SUPT3H: variants seen among roughly 807,000 people sequenced by gnomAD.
SUPT3H encodes the protein transcription initiation protein SPT3 homolog.
Under a neutral mutation model 44.3 loss-of-function variants are expected in SUPT3H, and 44 were observed. The observed-to-expected ratio is 0.99, with a 90% confidence interval of 0.78 to 1.28. SUPT3H has a LOEUF of 1.28. SUPT3H is among the 50% of genes most tolerant of loss of function. SUPT3H has a pLI of 0.00. For synonymous variants in SUPT3H, 124 were observed against 125.6 expected (o/e 0.99, Z 0.09); for missense variants, 380 against 387.1 (o/e 0.98, Z 0.15).
At chr6:45,058,400 A>G (rs190708609) in intron 3 of SUPT3H, among the ~76,000 whole-genome samples, 1 of 152,284 alleles carries the variant, frequency 6.6e-6, no homozygotes, top group East Asian at 1.9e-4. Context: ...TTATACATTC[A>G]ACAAATATAT....
intron 2 of SUPT3H, among the ~76,000 whole-genome samples, chr6:45,272,426 G>T (rs1776339180): frequency 6.6e-6 from 1 of 152,106 alleles, no homozygotes; most frequent in Admixed American, 6.6e-5. Context: ...GTTTAACTTG[G>T]CTCTCATTGT....
intron 2 of SUPT3H, among the ~76,000 whole-genome samples, chr6:45,282,023 G>C (rs1190439250): frequency 2.0e-5 from 3 of 152,170 alleles, no homozygotes; most frequent in Non-Finnish European, 4.4e-5. Flanking sequence ...CTGCAGCTGA[G>C]GGTCCTGACT....
intron 2 of SUPT3H, among the ~76,000 whole-genome samples, chr6:45,316,470 C>G (rs1185858829): frequency 1.3e-5 from 2 of 150,826 alleles, no homozygotes; most frequent in African/African-American, 2.4e-5. Context: ...AAATAATAGG[C>G]ATCCAAAGGA....
At chr6:45,182,680 T>A (rs1277354853) in intron 2 of SUPT3H, among the ~76,000 whole-genome samples, 2 of 152,020 alleles carry the variant, frequency 1.3e-5, no homozygotes, top group African/African-American at 4.8e-5. Context: ...ATATGAAGTC[T>A]CTTATCTACA....
At chr6:45,062,231 A>C (rs1342512125) in intron 3 of SUPT3H, among the ~76,000 whole-genome samples, 1 of 152,146 alleles carries the variant, frequency 6.6e-6, no homozygotes. Context: ...CATTCATCTT[A>C]GAAAGTAATT....
chr6:44,861,782 A>T (rs1001155681), intron 10 of SUPT3H, among the ~76,000 whole-genome samples: 1 of 152,156 alleles, frequency 6.6e-6, no homozygotes, highest in Non-Finnish European at 1.5e-5. Flanking sequence ...TTGTCCTAGG[A>T]GCTGACAAGA....
intron 2 of SUPT3H, among the ~76,000 whole-genome samples, chr6:45,106,251 G>C (rs1269963527): frequency 6.6e-6 from 1 of 152,080 alleles, no homozygotes; most frequent in Non-Finnish European, 1.5e-5. Flanking sequence ...GCATAACATG[G>C]TGAAACTCCG....
chr6:45,022,415 G>GTTTTTT (rs3053670), intron 3 of SUPT3H, among the ~76,000 whole-genome samples: 1 of 141,562 alleles, frequency 7.1e-6, no homozygotes, highest in African/African-American at 2.6e-5. Context: ...TGGAATCACT[G>GTTTTTT]TTTTTTTTTT....
intron 2 of SUPT3H, chr6:45,322,740 T>C (rs988669064): frequency 9.5e-6 from 6 of 631,724 alleles, no homozygotes; most frequent in Non-Finnish European, 1.7e-5. Flanking sequence ...TGTCAAGACA[T>C]GTATTCCTAA....
chr6:44,869,168 G>A (rs1159152164), intron 10 of SUPT3H, among the ~76,000 whole-genome samples: 2 of 152,054 alleles, frequency 1.3e-5, no homozygotes, highest in Non-Finnish European at 2.9e-5. Context: ...AAAGTAAGCA[G>A]CAATTCTTAA....
intron 6 of SUPT3H, among the ~76,000 whole-genome samples, chr6:44,970,160 G>A (rs976594492): frequency 6.6e-6 from 1 of 151,902 alleles, no homozygotes; most frequent in African/African-American, 2.4e-5. Flanking sequence ...TCAAGAGTGG[G>A]CATTAATTGG....
intron 10 of SUPT3H, among the ~76,000 whole-genome samples, chr6:44,865,580 A>G (rs995036661): frequency 6.6e-6 from 1 of 152,118 alleles, no homozygotes; most frequent in African/African-American, 2.4e-5. Flanking sequence ...AATGAGCACC[A>G]AATGAAACAG....
chr6:45,034,379 C>T (rs1373035609), intron 3 of SUPT3H, among the ~76,000 whole-genome samples: 3 of 151,790 alleles, frequency 2.0e-5, no homozygotes, highest in Non-Finnish European at 4.4e-5. Context: ...CCTCCTGGAA[C>T]ACAGAAAAGA....
chr6:45,106,098 A>C, intron 2 of SUPT3H, 92 bp from the exon 3 acceptor site: 1 of 1,070,056 alleles, frequency 9.3e-7, no homozygotes, highest in South Asian at 1.3e-5. Context: ...CAGTTTAGTA[A>C]GGAGAACATA....
intron 10 of SUPT3H, among the ~76,000 whole-genome samples, chr6:44,870,368 A>T (rs547864348): frequency 5.3e-5 from 8 of 152,232 alleles, no homozygotes; most frequent in African/African-American, 1.4e-4. Context: ...AGTCTGAGGC[A>T]GGAGGATCTC....
intron 6 of SUPT3H, among the ~76,000 whole-genome samples, chr6:44,981,685 T>A (rs2153490033): frequency 6.6e-6 from 1 of 152,190 alleles, no homozygotes; most frequent in East Asian, 1.9e-4. Flanking sequence ...CTAGGTTAAG[T>A]TGCTTCATCT....
intron 9 of SUPT3H, among the ~76,000 whole-genome samples, chr6:44,935,729 C>T (rs573039036): frequency 6.6e-6 from 1 of 152,208 alleles, no homozygotes; most frequent in Non-Finnish European, 1.5e-5. Flanking sequence ...TGGAGTTCTA[C>T]ATATTTTCCG....
intron 2 of SUPT3H, among the ~76,000 whole-genome samples, chr6:45,340,402 C>A (rs905647658): frequency 3.3e-5 from 5 of 152,098 alleles, no homozygotes; most frequent in Admixed American, 3.3e-4. Flanking sequence ...CAGCTCACTG[C>A]AACTTTGACC....
At chr6:44,856,390 T>G (rs547109164) in intron 10 of SUPT3H, among the ~76,000 whole-genome samples, 9 of 152,220 alleles carry the variant, frequency 5.9e-5, no homozygotes, top group Non-Finnish European at 1.3e-4. Context: ...TAATTTCTTT[T>G]TCTTTAGGAA....
Sources: gnomAD v4.1 joint callset for allele counts (sites outside exome capture counted in the v4.1 genomes callset) on GRCh38, gnomAD v4.1.1 for gene constraint, MANE v1.5 for transcripts, NCBI Gene and HGNC (gene_info 2026-07-23, HGNC 2026-07-21) for gene names.